CCDC12: variants seen among roughly 807,000 people sequenced by gnomAD.
CCDC12 encodes the protein coiled-coil domain containing 12.
CCDC12 carries 28 observed loss-of-function variants against 25.7 expected under a neutral mutation model. The ratio of observed to expected loss-of-function variants is 1.09; its 90% CI spans 0.81 to 1.50. The LOEUF is 1.50. CCDC12 is among the 40% of genes most tolerant of loss of function. The probability of loss-of-function intolerance (pLI) is 0.00; values close to 1 mark genes in which losing one functional copy is unlikely to be tolerated. For synonymous variants in CCDC12, 75 were observed against 87.7 expected (o/e 0.86, Z 0.81); for missense variants, 198 against 210.0 (o/e 0.94, Z 0.35).
intron 2 of CCDC12, among the ~76,000 whole-genome samples, chr3:46,939,335 C>T (rs944754276): frequency 2.6e-5 from 4 of 152,002 alleles, no homozygotes; most frequent in African/African-American, 9.7e-5. Flanking sequence ...GCTAAACCAG[C>T]GACCCTTCTC....
At chr3:46,977,115 T>G (rs1053301361), upstream of CCDC12, 45 of 215,546 alleles carry the variant, frequency 2.1e-4, no homozygotes, top group African/African-American at 1.0e-3. Flanking sequence ...CACTCCATGC[T>G]GGCCTCTTGG....
intron 1 of CCDC12, among the ~76,000 whole-genome samples, chr3:46,958,570 C>G (rs2034370073): frequency 1.3e-5 from 2 of 152,168 alleles, no homozygotes; most frequent in African/African-American, 4.8e-5. Context: ...CAGCCCGACC[C>G]TCGGTTTGGT....
chr3:46,953,281 GGAGGCATTAAAATAGC>G (rs1264322518), intron 1 of CCDC12, among the ~76,000 whole-genome samples: 1 of 152,070 alleles, frequency 6.6e-6, no homozygotes, highest in Non-Finnish European at 1.5e-5. Flanking sequence ...ATGGGCCAGG[GGAGGCATTAAAATAGC>G]GAGGCAGCAC....
upstream of CCDC12, among the ~76,000 whole-genome samples, chr3:46,978,063 G>A (rs1327587910): frequency 6.6e-6 from 1 of 152,226 alleles, no homozygotes; most frequent in Admixed American, 6.5e-5. Flanking sequence ...CTCTTAGGCT[G>A]TTCCCTCCCT....
At chr3:46,974,480 CT>C (rs1159548070) in intron 1 of CCDC12, among the ~76,000 whole-genome samples, 1 of 152,192 alleles carries the variant, frequency 6.6e-6, no homozygotes, top group African/African-American at 2.4e-5. Context: ...CCCCAATAAC[CT>C]GCCCTAAATC....
upstream of CCDC12, among the ~76,000 whole-genome samples, chr3:46,977,674 T>G (rs1280758693): frequency 2.0e-5 from 3 of 152,150 alleles, no homozygotes; most frequent in East Asian, 1.9e-4. Flanking sequence ...TGTTTCCCTC[T>G]GGACTCAAAG....
At chr3:46,959,793 C>T (rs2034409910) in intron 1 of CCDC12, among the ~76,000 whole-genome samples, 1 of 152,178 alleles carries the variant, frequency 6.6e-6, no homozygotes, top group African/African-American at 2.4e-5. Flanking sequence ...GCTCCTGCCC[C>T]TCCTCTGCCT....
chr3:46,979,909 G>T (rs1249899668), upstream of CCDC12: 6 of 427,000 alleles, frequency 1.4e-5, no homozygotes, highest in East Asian at 3.9e-5. Flanking sequence ...TCTACTACGC[G>T]CAGGTGAGCC....
intron 1 of CCDC12, among the ~76,000 whole-genome samples, chr3:46,971,699 C>T (rs574993027): frequency 2.0e-5 from 3 of 152,148 alleles, no homozygotes; most frequent in Non-Finnish European, 4.4e-5. Context: ...AACTCCATGC[C>T]TGAAATTCCT....
rs73831424 is a variant in CCDC12, at chr3:46,948,846, T to G, written c.97-7781A>C. 2.1e-3 allele frequency among the ~76,000 whole-genome samples: 323 copies of G among 152,300 alleles called. 3 individuals are homozygous for G. Among genetic ancestry groups the G allele is most frequent in the African/African-American group, 7.5e-3 (310 of 41,562 alleles). ...CAGCCCAAGTCAACTCTGATCCTATTCTTGCTGCAAGTGCTCAAGGGAGGC... is the reference window on the plus strand; with the variant it reads ...CAGCCCAAGTCAACTCTGATCCTATGCTTGCTGCAAGTGCTCAAGGGAGGC... On this transcript the variant is annotated intron_variant, in intron 1 of 6. Transcript: ENST00000683445.
At chr3:46,951,734 T>G (rs1310993507) in intron 1 of CCDC12, among the ~76,000 whole-genome samples, 2 of 131,672 alleles carry the variant, frequency 1.5e-5, no homozygotes, top group Admixed American at 8.3e-5. Flanking sequence ...GAGCCAAGAT[T>G]GTGCCACTGC....
intron 2 of CCDC12, among the ~76,000 whole-genome samples, chr3:46,931,199 C>T (rs2033197313): frequency 6.6e-6 from 1 of 152,200 alleles, no homozygotes; most frequent in African/African-American, 2.4e-5. Context: ...ATAGAGTTTC[C>T]TTCTAAAATG....
At chr3:46,976,229 T>A (rs2034982837) in intron 1 of CCDC12, 1 of 799,400 alleles carries the variant, frequency 1.3e-6, no homozygotes, top group South Asian at 4.1e-5. Flanking sequence ...GCTGCCGGAC[T>A]GGGGAGTCTG....
At chr3:46,948,172 T>G (rs2033977140) in intron 1 of CCDC12, among the ~76,000 whole-genome samples, 1 of 152,206 alleles carries the variant, frequency 6.6e-6, no homozygotes, top group African/African-American at 2.4e-5. Flanking sequence ...TGACGTCAGA[T>G]GATCTGTGCA....
At chr3:46,930,243 C>G (rs1012113537) in intron 2 of CCDC12, among the ~76,000 whole-genome samples, 1 of 152,092 alleles carries the variant, frequency 6.6e-6, no homozygotes, top group Non-Finnish European at 1.5e-5. Flanking sequence ...ATTCTTCCTA[C>G]ACAGAAACAA....
chr3:46,925,132 C>G, intron 3 of CCDC12: 3 of 490,952 alleles, frequency 6.1e-6, no homozygotes, highest in South Asian at 3.4e-5. Flanking sequence ...CCCAAGGGCC[C>G]CATGACCACA....
At chr3:46,957,996 C>CACACACACACATATAT (rs113627328) in intron 1 of CCDC12, among the ~76,000 whole-genome samples, 1 of 142,582 alleles carries the variant, frequency 7.0e-6, no homozygotes, top group Non-Finnish European at 1.5e-5. Flanking sequence ...CACACACACA[C>CACACACACACATATAT]ATATATATGT....
rs1385516786 is a variant in CCDC12 at position 46,964,130 on chromosome 3, C to T, written c.96+12507G>A. ...GCGACCCCGTCTGGGAGGTGAGGAGCGTCTCTGCCCGGCCGCCCCGTCTGA... is the reference window on the plus strand; with the variant it reads ...GCGACCCCGTCTGGGAGGTGAGGAGTGTCTCTGCCCGGCCGCCCCGTCTGA... On this transcript the variant is annotated intron_variant, in intron 1 of 6. Coordinates refer to ENST00000683445, the MANE Select transcript of CCDC12 (RefSeq NM_001277074.2). 7.3e-5 allele frequency among the ~76,000 whole-genome samples: 11 copies of T among 151,566 alleles called. 1 individual carries two copies. The East Asian group carries it at 1.6e-3, about 22-fold the overall frequency.
intron 1 of CCDC12, among the ~76,000 whole-genome samples, chr3:46,951,798 A>AAAAAAAAAAAAAATATATATATATAT: frequency 4.7e-4 from 4 of 8,468 alleles, no homozygotes; most frequent in Non-Finnish European, 5.6e-4. Context: ...AAAAAAAAAA[A>AAAAAAAAAAAAAATATATATATATAT]ATATATATAT....
Sources: allele counts gnomAD v4.1 joint callset (sites outside exome capture counted in the v4.1 genomes callset), GRCh38; gene constraint gnomAD v4.1.1; transcripts MANE v1.5; gene names NCBI Gene and HGNC (gene_info 2026-07-23, HGNC 2026-07-21).